Variants in ZNF347 observed in about 807,000 individuals in gnomAD.
ZNF347 encodes zinc finger protein 347, also known as CTD-2620I22.7.
ZNF347 carries 19 observed loss-of-function variants against 12.9 expected under a neutral mutation model. The observed-to-expected ratio is 1.47, with a 90% CI of 1.03 to 2.16. The LOEUF is 2.16. Among genes scored for constraint, ZNF347 ranks in the 30% most tolerant of loss-of-function variants. ZNF347 has a pLI of 0.00. For missense variants in ZNF347, 1,005 were observed against 990.6 expected (o/e 1.01, Z -0.19); for synonymous variants, 328 against 340.6 (o/e 0.96, Z 0.41).
At position 53,153,499 on chromosome 19, in the gene ZNF347, G is replaced by A. The variant is rs1263962382; in HGVS notation, c.15+234C>T. 3.9e-5 allele frequency among the ~76,000 whole-genome samples: 6 copies of A among 152,236 alleles called. No homozygotes were observed. The East Asian group carries it at 1.2e-3, about 29-fold the overall frequency. ...CCTCACCCCGTCTCCATCCATGTCT[G>A]GGTGTGAGCCCTTCCCAGGACCATG... On this transcript the variant is annotated intron_variant, in intron 2 of 4. Transcript: ENST00000334197.
chr19:53,149,667 G>A lies in ZNF347; in HGVS notation c.16-300C>T, dbSNP rs529396593. 33 of 360,276 alleles carry A rather than the reference G, an allele frequency of 9.2e-5. No homozygotes were observed. In the Admixed American group the frequency reaches 1.1e-3, roughly 12 times the overall value. 22.3% of individuals were successfully genotyped at this position (360,276 alleles called of 1,614,324 possible). On this transcript the variant is annotated intron_variant, in intron 2 of 4. Coordinates refer to ENST00000334197, the MANE Select transcript of ZNF347 (RefSeq NM_032584.3). ...GGCTGGATTACAGAGTTGGGACTTC[G>A]AGCCCCATCCCCCAACTTACCCTGA...
At chr19:53,154,932 AGTTTT>A (rs1193351227) in intron 1 of ZNF347, among the ~76,000 whole-genome samples, 4 of 151,068 alleles carry the variant, frequency 2.6e-5, no homozygotes, top group Non-Finnish European at 5.9e-5. Context: ...GGTAGTTTAG[AGTTTT>A]GTTTTGTTTT....
intron 1 of ZNF347, among the ~76,000 whole-genome samples, chr19:53,156,333 G>A (rs759231039): frequency 3.3e-5 from 5 of 151,968 alleles, no homozygotes; most frequent in Non-Finnish European, 7.4e-5. Flanking sequence ...AACTCGGGAG[G>A]CAGAGGCTGC....
At chr19:53,150,959 C>T (rs1410845193) in intron 2 of ZNF347, among the ~76,000 whole-genome samples, 1 of 152,166 alleles carries the variant, frequency 6.6e-6, no homozygotes, top group Non-Finnish European at 1.5e-5. Context: ...AGGCTAGTCT[C>T]AAACTCCTGA....
At chr19:53,146,782 AT>A (rs1364958670) in intron 4 of ZNF347, among the ~76,000 whole-genome samples, 17 of 152,148 alleles carry the variant, frequency 1.1e-4, no homozygotes, top group African/African-American at 4.1e-4. Context: ...AAAGGGATAC[AT>A]TTCTGGACAC....
In ZNF347 at chr19:53,141,528, A is replaced by G. The variant is rs2090426923; in HGVS notation, c.1300T>C (p.Cys434Arg). The change falls in exon 5 of 5, where the codon TGC (cysteine) becomes CGC (arginine). Residue 434 changes from cysteine (C) to arginine (R), a missense_variant. Cys to Arg is a radical substitution (Grantham distance 180). Transcript: ENST00000334197. ...TGEKPYKCNE[C>R]GKAFGVRSSL... ...GAACGAACACCAAAGGCTTTGCCGC[A>G]CTCATTACACTTGTAAGGTTTCTCT... is the stretch of plus-strand genomic sequence containing the variant. 2 of 1,613,774 alleles carry G rather than the reference A, an allele frequency of 1.2e-6. No homozygotes were observed. The highest frequency in any genetic ancestry group is 3.3e-5 in the Admixed American group (2 of 59,936).
At chr19:53,149,468 A>G in intron 2 of ZNF347, 101 bp from the exon 3 acceptor site, 1 of 1,582,894 alleles carries the variant, frequency 6.3e-7, no homozygotes, top group Non-Finnish European at 8.6e-7. Context: ...AAGTGGGCCG[A>G]TATCCAAGTT....
In ZNF347 at chr19:53,138,047, T is replaced by G. The variant is rs1465393461; in HGVS notation, c.*2261A>C. The G allele has an allele frequency of 1.3e-5, 2 of 152,202 alleles. No homozygotes were observed. Among genetic ancestry groups the G allele is most frequent in the Non-Finnish European group, 2.9e-5 (2 of 68,064 alleles). 9.4% of individuals were successfully genotyped at this position (152,202 alleles called of 1,614,324 possible). A position where few individuals can be genotyped will look rare whatever the true frequency, so the allele number is the denominator to read the frequency against. The stretch of plus-strand genomic sequence containing the variant: ...TGGTCTCGATTTTCTGACCCCATGA[T>G]CCACCCGCCTTGGCCTCCCTAAGTG... On this transcript the variant is annotated 3_prime_UTR_variant, in exon 5 of 5. Transcript: ENST00000334197.
chr19:53,158,278 G>A (rs367585213), intron 1 of ZNF347, among the ~76,000 whole-genome samples: 1 of 152,154 alleles, frequency 6.6e-6, no homozygotes, highest in Non-Finnish European at 1.5e-5. Context: ...GTGGCGGGGC[G>A]ACGGCGCCTT....
rs1335600622 is a variant in ZNF347, at chr19:53,143,810, T to G, written c.272-1254A>C. On this transcript the variant is annotated intron_variant, in intron 4 of 4. Coordinates refer to ENST00000334197, the MANE Select transcript of ZNF347 (RefSeq NM_032584.3). ...TCCCTGAGGAATCGCCACACTGACT[T>G]CCACAATGGTTGAACTAGTTTACAG... Among the ~76,000 whole-genome samples the G allele has an allele frequency of 4.6e-5, 7 of 152,252 alleles. No individual in the cohort carries two copies. The East Asian group carries it at 1.4e-3, about 29-fold the overall frequency.
Position 53,142,079 on chromosome 19 carries a change from T to G in ZNF347, c.749A>C (p.Gln250Pro). The G allele has an allele frequency of 6.2e-7, 1 of 1,612,950 alleles. No individual in the cohort carries two copies. The change falls in exon 5 of 5, where the codon CAG becomes CCG. Residue 250 changes from glutamine (Q) to proline (P), a missense_variant. Physicochemically the swap from Gln to Pro is moderately conservative, Grantham distance 76 (BLOSUM62 -1). Transcript: ENST00000334197. Reference protein sequence around the residue: ...KDFISSLLLTQGQKANNWGSP... With the variant: ...KDFISSLLLTPGQKANNWGSP... ...TCCCCAATTATTTGCTTTTTGCCCC[T>G]GTGTGAGTAATAAAGAAGAGATAAA...
At position 53,135,343 on chromosome 19, in the gene ZNF347, GAGAGAGAGAGAGAGAGAGAGAGAGAA is replaced by G. The variant is rs1229087889; in HGVS notation, c.*4939_*4964del. On this transcript the variant is annotated 3_prime_UTR_variant, in exon 5 of 5. Transcript: ENST00000334197. ...ATATATATATATATATATATATAGA[GAGAGAGAGAGAGAGAGAGAGAGAGAA>G]AGAGAGAGAGAGAGAGAGAGAGAGA... The G allele has an allele frequency of 3.1e-4, 35 of 112,588 alleles. No individual in the cohort carries two copies. The highest frequency in any genetic ancestry group is 4.4e-4 in the Non-Finnish European group (23 of 52,736). The allele number at this position is 112,588 out of a possible 1,614,324, so 7.0% of individuals were successfully genotyped here. A position where few individuals can be genotyped will look rare whatever the true frequency, so the allele number is the denominator to read the frequency against.
rs1599847891 is a variant in ZNF347 at position 53,136,062 on chromosome 19, G to C, written c.*4246C>G. 6.6e-6 allele frequency: 1 copy of C among 151,732 alleles called. No homozygotes were observed. The highest frequency in any genetic ancestry group is 1.9e-4 in the East Asian group (1 of 5,158). 9.4% of individuals were successfully genotyped at this position (151,732 alleles called of 1,614,324 possible). On this transcript the variant is annotated 3_prime_UTR_variant, in exon 5 of 5. Transcript: ENST00000334197. ...TGCATAAATGATAATTAATATCTTG[G>C]GGACTCTCTTATTAACTGTATTTTC...
Position 53,140,968 on chromosome 19 carries a change from A to AGTATGAATTCGCTGATGCCTTGAAAG in ZNF347, c.1834_1859dup (p.Gly621PhefsTer29), listed in dbSNP as rs761811128. 2 of 1,613,832 alleles carry AGTATGAATTCGCTGATGCCTTGAAAG rather than the reference A, an allele frequency of 1.2e-6. No individual in the cohort carries two copies. The highest frequency in any genetic ancestry group is 2.7e-5 in the African/African-American group (2 of 74,826). On this transcript the variant is annotated frameshift_variant, in exon 5 of 5. Coordinates refer to ENST00000334197, the MANE Select transcript of ZNF347 (RefSeq NM_032584.3). LOFTEE classifies it low-confidence loss of function (END_TRUNC). The stretch of plus-strand genomic sequence containing the variant: ...CATTATACTTGTAAGGTTTCTCTCC[A>AGTATGAATTCGCTGATGCCTTGAAAG]GTATGAATTCGCTGATGCCTTGAAA...
chr19:53,153,687 A>G, intron 2 of ZNF347, 46 bp downstream of exon 2: 1 of 1,599,836 alleles, frequency 6.3e-7, no homozygotes. Flanking sequence ...ATGACATTTC[A>G]AGAAGAAATA....
rs1237594848 is a variant in ZNF347, at chr19:53,139,145, C to A, written c.*1163G>T. 2.0e-5 allele frequency: 3 copies of A among 152,154 alleles called. No homozygotes were observed. Among genetic ancestry groups the A allele is most frequent in the Non-Finnish European group, 2.9e-5 (2 of 68,022 alleles). The allele number at this position is 152,154 out of a possible 1,614,324, so 9.4% of individuals were successfully genotyped here. ...TCTCCTCTCATAAAAATTCCAGTGT[C>A]CTGAGGTCTTGGCCTGCTCAATGCA... On this transcript the variant is annotated 3_prime_UTR_variant, in exon 5 of 5. Coordinates refer to ENST00000334197, the MANE Select transcript of ZNF347 (RefSeq NM_032584.3).
intron 1 of ZNF347, among the ~76,000 whole-genome samples, chr19:53,154,136 G>C (rs1419008189): frequency 6.6e-6 from 1 of 152,114 alleles, no homozygotes; most frequent in Non-Finnish European, 1.5e-5. Context: ...CCCATGCAGA[G>C]AACAGCCTCC....
chr19:53,150,223 C>T (rs11671811), intron 2 of ZNF347, among the ~76,000 whole-genome samples: 1,918 of 152,218 alleles, frequency 0.013, 10 homozygotes, highest in Non-Finnish European at 0.021. Flanking sequence ...CAGAATTGAA[C>T]TGAATAGGAG....
intron 1 of ZNF347, among the ~76,000 whole-genome samples, chr19:53,156,035 A>C (rs1175028791): frequency 3.9e-5 from 3 of 77,620 alleles, no homozygotes; most frequent in African/African-American, 1.0e-4. Context: ...CTCCCAGGGG[A>C]CTCCCAGCTC....
Sources: allele counts gnomAD v4.1 joint callset (sites outside exome capture counted in the v4.1 genomes callset), GRCh38; gene constraint gnomAD v4.1.1; transcripts MANE v1.5; gene names NCBI Gene and HGNC (gene_info 2026-07-23, HGNC 2026-07-21).